The following THBS4 variants were observed in gnomAD, a reference collection of about 807,000 sequenced individuals.
THBS4 encodes the protein thrombospondin 4.
Under a neutral mutation model 115.7 loss-of-function variants are expected in THBS4, and 90 were observed. That is an observed-to-expected ratio of 0.78 (90% confidence interval 0.66 to 0.93). The LOEUF (loss-of-function observed/expected upper bound fraction) is 0.93. THBS4 is among the 40% of genes least tolerant of loss of function. The probability of loss-of-function intolerance (pLI) is 0.00; values close to 1 mark genes in which losing one functional copy is unlikely to be tolerated. For synonymous variants in THBS4, 460 were observed against 479.3 expected (o/e 0.96, Z 0.53); for missense variants, 1,087 against 1,232.7 (o/e 0.88, Z 1.77).
chr5:80,083,189 A>G lies in THBS4; in HGVS notation c.*48A>G, dbSNP rs753971253. 40 of 1,501,534 alleles carry G rather than the reference A, an allele frequency of 2.7e-5. No homozygotes were observed. In the East Asian group the frequency reaches 2.7e-4, roughly 10 times the overall value. 93.0% of individuals were successfully genotyped at this position (1,501,534 alleles called of 1,614,324 possible). A position where few individuals can be genotyped will look rare whatever the true frequency, so the allele number is the denominator to read the frequency against. The stretch of plus-strand genomic sequence containing the variant: ...GCTTTTCGGAACACTAAAACCATAT[A>G]TATTTTAACTTCAATTTTCTTTAGC... On this transcript the variant is annotated 3_prime_UTR_variant, in exon 22 of 22. Transcript: ENST00000350881.
rs769155224 is a variant in THBS4, at chr5:80,077,013, G to A, written c.2051G>A (p.Arg684Gln). 24 of 1,611,416 alleles carry A rather than the reference G, an allele frequency of 1.5e-5. No homozygotes were observed. In the East Asian group the frequency reaches 2.2e-4, roughly 15 times the overall value. The change falls in exon 16 of 22, where the codon CGG becomes CAG. Residue 684 changes from arginine (R) to glutamine (Q), a missense_variant. Coordinates refer to ENST00000350881, the MANE Select transcript of THBS4 (RefSeq NM_003248.6). Reference protein sequence around the residue: ...DLVPPGPDNCRLVPNPAQEDS... With the variant: ...DLVPPGPDNCQLVPNPAQEDS... ...GTGCCCCCTGGACCAGACAACTGCC[G>A]GCTGGTCCCCAACCCAGCCCAGGAG...
chr5:80,058,720 G>A lies in THBS4; in HGVS notation c.662G>A (p.Arg221Gln), dbSNP rs553602331. 2.9e-5 allele frequency: 47 copies of A among 1,614,116 alleles called. No individual in the cohort carries two copies. In the Middle Eastern group the frequency reaches 6.6e-4, roughly 23 times the overall value. Residue 221 changes from arginine (R) to glutamine (Q), a missense_variant, in exon 5 of 22, where the codon CGG becomes CAG. Around this residue, in one of 3 missense-constraint regions of THBS4, gnomAD observed 979 missense variants for 1,103.7 expected, o/e 0.89. Transcript: ENST00000350881. Reference sequence around the variant, plus strand: ...GCTGTTCCTACAGGGGACTTTAACCGGCAGTTCTTGGGTCAAATGACACAA... The same window carrying A: ...GCTGTTCCTACAGGGGACTTTAACCAGCAGTTCTTGGGTCAAATGACACAA... Reference protein sequence around the residue: ...LAATGTGDFNRQFLGQMTQLN... With the variant: ...LAATGTGDFNQQFLGQMTQLN...
At chr5:80,062,869 CT>C (rs1004278257) in intron 8 of THBS4, among the ~76,000 whole-genome samples, 73 of 152,296 alleles carry the variant, frequency 4.8e-4, no homozygotes, top group African/African-American at 1.7e-3. Flanking sequence ...TGAACTCATC[CT>C]TTTTTATGGC....
In THBS4 at chr5:80,061,975, A is replaced by G. The variant is rs552735204; in HGVS notation, c.1125+143A>G. 1.4e-5 allele frequency: 13 copies of G among 920,876 alleles called. No homozygotes were observed. The South Asian group carries it at 3.0e-4, about 21-fold the overall frequency. The allele number at this position is 920,876 out of a possible 1,614,324, so 57.0% of individuals were successfully genotyped here. A position where few individuals can be genotyped will look rare whatever the true frequency, so the allele number is the denominator to read the frequency against. On this transcript the variant is annotated intron_variant, in intron 8 of 21. Transcript: ENST00000350881. Reference sequence around the variant, plus strand: ...CATGGTGCAAAATGAGCAAATTAGGAAGTTTTTCAACCATTTCTGAGTATT... The same window carrying G: ...CATGGTGCAAAATGAGCAAATTAGGGAGTTTTTCAACCATTTCTGAGTATT...
chr5:80,040,670 A>C (rs1832870317), intron 2 of THBS4, among the ~76,000 whole-genome samples: 1 of 152,244 alleles, frequency 6.6e-6, no homozygotes. Flanking sequence ...TACATCTCAC[A>C]GTTCTAGACA....
chr5:80,063,741 T>C (rs1052936366), intron 8 of THBS4, among the ~76,000 whole-genome samples: 1 of 152,188 alleles, frequency 6.6e-6, no homozygotes, highest in Non-Finnish European at 1.5e-5. Context: ...TGGTGTAAGG[T>C]AGTAAGGAGC....
At chr5:80,002,513 A>G (rs1831921153) in intron 2 of THBS4, among the ~76,000 whole-genome samples, 1 of 59,662 alleles carries the variant, frequency 1.7e-5, no homozygotes, top group Non-Finnish European at 2.5e-5. Context: ...GTCCCCTCCC[A>G]GTGACCCCCA....
At chr5:80,069,391 A>G (rs916290376) in intron 10 of THBS4, among the ~76,000 whole-genome samples, 1 of 152,230 alleles carries the variant, frequency 6.6e-6, no homozygotes, top group African/African-American at 2.4e-5. Context: ...TAACCCCAGC[A>G]ATTTCCTGAA....
chr5:80,082,150 A>G (rs1463993825), intron 20 of THBS4: 4 of 428,824 alleles, frequency 9.3e-6, no homozygotes, highest in Non-Finnish European at 1.7e-5. Flanking sequence ...CTTGTGAGAG[A>G]CAGAAGTTGG....
At chr5:80,045,226 A>T (rs983258689) in intron 2 of THBS4, among the ~76,000 whole-genome samples, 1 of 152,162 alleles carries the variant, frequency 6.6e-6, no homozygotes, top group Non-Finnish European at 1.5e-5. Context: ...TGACAATTTC[A>T]CCTTTCAGAA....
chr5:80,061,395 AT>A (rs1469889890), intron 7 of THBS4, among the ~76,000 whole-genome samples: 10 of 152,146 alleles, frequency 6.6e-5, no homozygotes, highest in Non-Finnish European at 1.0e-4. Flanking sequence ...AGATTTGCAA[AT>A]TCCATGTCAG....
Position 80,083,135 on chromosome 5 carries a change from T to A in THBS4, c.2880T>A (p.Asp960Glu), listed in dbSNP as rs1296228028. Residue 960 changes from aspartate (D) to glutamate (E), a missense_variant, in exon 22 of 22, where the codon GAT becomes GAA. Transcript: ENST00000350881. ...EFQTQNFDRF[D>E]N ...AAACCCAGAATTTCGACCGCTTCGA[T>A]AATTAAACCAAGGAAGCAATCTGTA... 1 of 1,613,242 alleles carries A rather than the reference T, an allele frequency of 6.2e-7. No individual in the cohort carries two copies. Among genetic ancestry groups the A allele is most frequent in the East Asian group, 2.2e-5 (1 of 44,890 alleles).
intron 8 of THBS4, among the ~76,000 whole-genome samples, chr5:80,063,523 A>G (rs1279902357): frequency 6.6e-6 from 1 of 152,228 alleles, no homozygotes; most frequent in East Asian, 1.9e-4. Flanking sequence ...TTTGCTGTGC[A>G]GAAGCTCTTG....
chr5:80,050,293 T>C (rs747529207), intron 2 of THBS4, among the ~76,000 whole-genome samples: 1 of 152,130 alleles, frequency 6.6e-6, no homozygotes, highest in Non-Finnish European at 1.5e-5. Flanking sequence ...CAAATCAGTC[T>C]CCCCAAGCAT....
intron 10 of THBS4, among the ~76,000 whole-genome samples, chr5:80,069,647 G>A (rs1218688202): frequency 6.6e-6 from 1 of 152,230 alleles, no homozygotes; most frequent in South Asian, 2.1e-4. Flanking sequence ...AAATGTATTT[G>A]TTCCTAGAGG....
intron 9 of THBS4, chr5:80,067,570 A>C (rs1244782504): frequency 6.5e-6 from 1 of 154,766 alleles, no homozygotes; most frequent in Non-Finnish European, 1.4e-5. Flanking sequence ...AGCCAAAGGA[A>C]CAGCAATAAG....
chr5:80,058,111 C>A, intron 3 of THBS4, 95 bp from the exon 4 acceptor site: 1 of 902,294 alleles, frequency 1.1e-6, no homozygotes, highest in East Asian at 2.7e-5. Context: ...TCCAAGTATA[C>A]AGGACTACTT....
rs1561325216 is a variant in THBS4 at position 80,072,388 on chromosome 5, C to A, written c.1831C>A (p.Pro611Thr). ...TGACAGTTGTCCTGATGTCAGCAAC[C>A]CTAACCAGGTTAGTAGGATACTGGG... is the stretch of plus-strand genomic sequence containing the variant. ...ACDSCPDVSN[P>T]NQSDVDNDLV... Residue 611 changes from proline (P) to threonine (T), a missense_variant, in exon 14 of 22, where the codon CCT (proline) becomes ACT (threonine). By Grantham distance (38) the Pro-to-Thr change is conservative. This residue lies in a region of THBS4 where 979 missense variants were observed against 1,103.7 expected (regional missense o/e 0.89). Coordinates refer to ENST00000350881, the MANE Select transcript of THBS4 (RefSeq NM_003248.6). The A allele has an allele frequency of 2.5e-6, 4 of 1,613,840 alleles. No homozygotes were observed. The highest frequency in any genetic ancestry group is 3.4e-6 in the Non-Finnish European group (4 of 1,179,762).
At chr5:80,011,863 C>A (rs900463922) in intron 2 of THBS4, among the ~76,000 whole-genome samples, 1 of 148,422 alleles carries the variant, frequency 6.7e-6, no homozygotes, top group African/African-American at 2.5e-5. Flanking sequence ...TGCTGAGAAA[C>A]GATTCTGTTT....
Sources: gnomAD v4.1 joint callset for allele counts (sites outside exome capture counted in the v4.1 genomes callset) on GRCh38, gnomAD v4.1.1 for gene constraint, gnomAD v4.1.1 regional missense constraint, MANE v1.5 for transcripts, NCBI Gene and HGNC (gene_info 2026-07-23, HGNC 2026-07-21) for gene names.